Variants in KLF8 observed in about 807,000 individuals in gnomAD.
KLF8 encodes the protein Krueppel-like factor 8.
A neutral mutation model predicts 18.2 loss-of-function variants in KLF8; 10 were observed. The observed-to-expected ratio is 0.55, with a 90% CI of 0.34 to 0.93. The LOEUF is 0.93. Among genes scored for constraint, KLF8 ranks in the 40% least tolerant of loss-of-function variants. The pLI, the probability that KLF8 is intolerant of heterozygous loss-of-function variation, is 0.02. For synonymous variants in KLF8, 109 were observed against 97.3 expected (o/e 1.12, Z -0.71); for missense variants, 264 against 277.9 (o/e 0.95, Z 0.36).
At chrX:56,045,211 A>C in the KLF8 span, among the ~76,000 whole-genome samples, 2 of 111,088 alleles carry the variant, frequency 1.8e-5, no homozygotes, top group Non-Finnish European at 3.8e-5. Flanking sequence ...GGCTGTAAGT[A>C]TTTGGCTTTA....
chrX:56,111,374 C>T, the KLF8 span, among the ~76,000 whole-genome samples: 1 of 111,237 alleles, frequency 9.0e-6, no homozygotes, highest in East Asian at 2.8e-4. Context: ...GTAGATTCAA[C>T]AGTCTATCAA....
chrX:56,163,523 A>T, the KLF8 span, among the ~76,000 whole-genome samples: 2 of 111,723 alleles, frequency 1.8e-5, no homozygotes, highest in Non-Finnish European at 3.8e-5. Context: ...GTTTACAAAA[A>T]TTTTCTCCCA....
chrX:56,102,165 A>C, the KLF8 span, among the ~76,000 whole-genome samples: 1 of 111,834 alleles, frequency 8.9e-6, no homozygotes, highest in Non-Finnish European at 1.9e-5. Context: ...AATCTTCTGC[A>C]TATGGCTGGC....
the KLF8 span, among the ~76,000 whole-genome samples, chrX:56,051,816 G>T: frequency 9.3e-6 from 1 of 107,172 alleles, no homozygotes; most frequent in Non-Finnish European, 1.9e-5. Flanking sequence ...ACGTTGGCCT[G>T]CCTTGCTATA....
chrX:56,061,068 A>G, the KLF8 span, among the ~76,000 whole-genome samples: 1 of 110,825 alleles, frequency 9.0e-6, no homozygotes, highest in Non-Finnish European at 1.9e-5. Flanking sequence ...CTTCTTTATT[A>G]GTCTGGCTAG....
At chrX:56,079,618 G>C in the KLF8 span, among the ~76,000 whole-genome samples, 1 of 111,802 alleles carries the variant, frequency 8.9e-6, no homozygotes, top group African/African-American at 3.3e-5. Flanking sequence ...TGTATATTCT[G>C]TTGATTTGTG....
At chrX:56,003,497 T>C in the KLF8 span, among the ~76,000 whole-genome samples, 3 of 111,176 alleles carry the variant, frequency 2.7e-5, no homozygotes, top group African/African-American at 9.8e-5. Flanking sequence ...TGAAGGATTT[T>C]GATCAAGAGT....
At chrX:56,209,632 ATAAATAAG>A in the KLF8 span, among the ~76,000 whole-genome samples, 2 of 111,905 alleles carry the variant, frequency 1.8e-5, no homozygotes, top group Non-Finnish European at 3.8e-5. Context: ...AAAGAAAAAC[ATAAATAAG>A]TAAATAAGGA....
the KLF8 span, among the ~76,000 whole-genome samples, chrX:55,969,398 A>C: frequency 8.9e-6 from 1 of 111,884 alleles, no homozygotes; most frequent in African/African-American, 3.2e-5. Context: ...AATTTTTTTG[A>C]AACAAGTGAA....
At chrX:56,063,589 A>C in the KLF8 span, among the ~76,000 whole-genome samples, 2 of 111,464 alleles carry the variant, frequency 1.8e-5, no homozygotes, top group Non-Finnish European at 3.8e-5. Flanking sequence ...CCTGTATGAG[A>C]TGTCCCTGCT....
chrX:56,096,374 G>A, the KLF8 span, among the ~76,000 whole-genome samples: 1 of 111,201 alleles, frequency 9.0e-6, no homozygotes, highest in Non-Finnish European at 1.9e-5. Context: ...TACACTAAAA[G>A]CCCAGACCTC....
chrX:56,161,745 C>A, the KLF8 span, among the ~76,000 whole-genome samples: 1 of 111,693 alleles, frequency 9.0e-6, no homozygotes, highest in African/African-American at 3.3e-5. Flanking sequence ...GTAGTTTGAT[C>A]ATCTGAAGCC....
At chrX:56,076,688 C>T in the KLF8 span, among the ~76,000 whole-genome samples, 13 of 111,363 alleles carry the variant, frequency 1.2e-4, no homozygotes, top group South Asian at 1.1e-3. Context: ...ATGGTATTTC[C>T]AGTTCTAGAT....
At chrX:55,999,200 G>A in the KLF8 span, among the ~76,000 whole-genome samples, 392 of 104,074 alleles carry the variant, frequency 3.8e-3, 2 homozygotes, top group African/African-American at 0.012. Context: ...ATTGGTCTAC[G>A]GGGGTATTTT....
chrX:56,284,297 C>T lies in KLF8; in HGVS notation c.899-16C>T. On this transcript the variant is annotated splice_polypyrimidine_tract_variant and intron_variant, in intron 5 of 5. Transcript: ENST00000468660. Reference sequence around the variant, plus strand: ...CTCTCTCTGATTCTCTTTTTTTTGTCACATTCCCTTTTTAGGAGAGAAGCC... The same window carrying T: ...CTCTCTCTGATTCTCTTTTTTTTGTTACATTCCCTTTTTAGGAGAGAAGCC... 2.7e-6 allele frequency: 3 copies of T among 1,093,964 alleles called. No homozygotes were observed. The highest frequency in any genetic ancestry group is 3.6e-6 in the Non-Finnish European group (3 of 831,502). 90.2% of individuals were successfully genotyped at this position (1,093,964 alleles called of 1,213,427 possible).
intron 5 of KLF8, among the ~76,000 whole-genome samples, chrX:56,278,390 C>A (rs1274670307): frequency 9.0e-6 from 1 of 110,871 alleles, no homozygotes; most frequent in Non-Finnish European, 1.9e-5. Context: ...GAACTGGGTT[C>A]TTCTCTTCAA....
At chrX:55,997,305 C>G in the KLF8 span, among the ~76,000 whole-genome samples, 1 of 112,009 alleles carries the variant, frequency 8.9e-6, no homozygotes, top group South Asian at 3.7e-4. Flanking sequence ...GGCCATGCTC[C>G]ACTGCAGCCA....
chrX:56,064,000 T>C, the KLF8 span, among the ~76,000 whole-genome samples: 3 of 108,499 alleles, frequency 2.8e-5, no homozygotes, highest in Admixed American at 1.0e-4. Context: ...AATATATATA[T>C]ACACACACAC....
chrX:56,147,439 G>A, the KLF8 span, among the ~76,000 whole-genome samples: 1 of 111,283 alleles, frequency 9.0e-6, no homozygotes, highest in African/African-American at 3.3e-5. Flanking sequence ...AATCTGATGG[G>A]ATTTGTGCAA....
Sources: gnomAD v4.1 joint callset for allele counts (sites outside exome capture counted in the v4.1 genomes callset) on GRCh38, gnomAD v4.1.1 for gene constraint, MANE v1.5 for transcripts, NCBI Gene and HGNC (gene_info 2026-07-23, HGNC 2026-07-21) for gene names.